The following BEAN1 variants were observed in gnomAD, a reference collection of about 807,000 sequenced individuals.
The protein encoded by BEAN1 is brain expressed associated with NEDD4 1.
Under a neutral mutation model 17.7 loss-of-function variants are expected in BEAN1, and 17 were observed. The ratio of observed to expected loss-of-function variants is 0.96; its 90% CI spans 0.66 to 1.44. The LOEUF (loss-of-function observed/expected upper bound fraction) is 1.44. Ranked by LOEUF, BEAN1 falls within the 40% of genes most tolerant of loss-of-function variation. The pLI, the probability that BEAN1 is intolerant of heterozygous loss-of-function variation, is 0.00. For missense variants in BEAN1, 359 were observed against 374.1 expected, an observed-to-expected ratio of 0.96 and a Z score of 0.33; for synonymous variants, 142 against 151.8, an observed-to-expected ratio of 0.94 and a Z score of 0.47.
chr16:66,483,735 T>C (rs1964044782), downstream of BEAN1: 1 of 152,236 alleles, frequency 6.6e-6, no homozygotes, highest in South Asian at 2.1e-4. Context: ...ATTAATATAG[T>C]CTTAGACCCC....
downstream of BEAN1, chr16:66,484,693 G>T (rs1181256941): frequency 2.2e-6 from 1 of 454,108 alleles, no homozygotes. The surrounding 1 kb of genome is among the most constrained non-coding windows in gnomAD (Gnocchi z 4.2). Flanking sequence ...CAGGAAACAA[G>T]AAAGGCAAGG....
Position 66,473,859 on chromosome 16 carries a change from C to G in BEAN1, c.290-3701C>G, listed in dbSNP as rs1055709131. Among the ~76,000 whole-genome samples the G allele has an allele frequency of 2.6e-5, 4 of 152,138 alleles. No homozygotes were observed. The highest frequency in any genetic ancestry group is 5.9e-5 in the Non-Finnish European group (4 of 68,020). On this transcript the variant is annotated intron_variant, in intron 3 of 4. Coordinates refer to ENST00000536005, the MANE Select transcript of BEAN1 (RefSeq NM_001178020.3). The surrounding 1 kb of genome is among the most constrained non-coding windows in gnomAD (Gnocchi z 4.5). Reference sequence around the variant, plus strand: ...AGCCCTCCTGGCCTCTCTCCCACCCCTCTGGCTGCGGATTCCTCTCCTCTG... The same window carrying G: ...AGCCCTCCTGGCCTCTCTCCCACCCGTCTGGCTGCGGATTCCTCTCCTCTG...
At chr16:66,484,775 GAC>G (rs1964063239), downstream of BEAN1, 1 of 454,044 alleles carries the variant, frequency 2.2e-6, no homozygotes, top group Non-Finnish European at 4.4e-6. The surrounding 1 kb of genome is among the most constrained non-coding windows in gnomAD (Gnocchi z 4.2). Context: ...GTGACTCTGA[GAC>G]ACAGAGTAGA....
chr16:66,454,675 C>A (rs1364633980), intron 2 of BEAN1, among the ~76,000 whole-genome samples: 1 of 147,880 alleles, frequency 6.8e-6, no homozygotes, highest in African/African-American at 2.5e-5. Context: ...CTGACAATCT[C>A]TGCCCTTTAA....
chr16:66,448,894 C>G (rs1004473301), intron 2 of BEAN1, among the ~76,000 whole-genome samples: 3 of 152,218 alleles, frequency 2.0e-5, no homozygotes, highest in Admixed American at 6.5e-5. Context: ...CCTGTAATCC[C>G]AACACTTTGG....
chr16:66,478,643 C>A (rs1597046938), intron 4 of BEAN1, among the ~76,000 whole-genome samples: 1 of 152,128 alleles, frequency 6.6e-6, no homozygotes, highest in East Asian at 1.9e-4. Context: ...ATCTGCCCCA[C>A]AGGATACTCA....
chr16:66,483,023 A>AT (rs1403715773), downstream of BEAN1: 2 of 389,426 alleles, frequency 5.1e-6, no homozygotes, highest in Non-Finnish European at 1.0e-5. Context: ...TACCCAGCTA[A>AT]TTTTTGATTT....
chr16:66,459,065 T>A (rs1466430091), intron 2 of BEAN1, among the ~76,000 whole-genome samples: 2 of 152,240 alleles, frequency 1.3e-5, no homozygotes, highest in Admixed American at 1.3e-4. Flanking sequence ...TGTCATTCTG[T>A]GGCATCAAGT....
intron 2 of BEAN1, among the ~76,000 whole-genome samples, chr16:66,440,706 C>T (rs991412053): frequency 4.6e-5 from 7 of 152,232 alleles, no homozygotes; most frequent in Non-Finnish European, 8.8e-5. Flanking sequence ...TAGCTTCCAA[C>T]AGTCTCTCCC....
intron 2 of BEAN1, among the ~76,000 whole-genome samples, chr16:66,459,352 C>T (rs931902074): frequency 2.0e-5 from 3 of 152,130 alleles, no homozygotes; most frequent in Non-Finnish European, 4.4e-5. Context: ...TGGTGTTTCA[C>T]TCTGTCACCC....
Position 66,434,927 on chromosome 16 carries a change from C to T in BEAN1, c.-82-2668C>T, listed in dbSNP as rs2142374099. 6.6e-6 allele frequency among the ~76,000 whole-genome samples: 1 copy of T among 152,232 alleles called. No individual in the cohort carries two copies. The highest frequency in any genetic ancestry group is 3.4e-3 in the Middle Eastern group (1 of 294). ...CAGAGGCCACACTGACCCTCCATGC[C>T]CTCGAGGAGCTACTGGTCTAGAATA... On this transcript the variant is annotated intron_variant, in intron 1 of 4. Transcript: ENST00000536005. This position sits in a 1 kb window ranked among gnomAD's most constrained non-coding sequence, Gnocchi z 4.3.
chr16:66,452,800 G>A (rs1962722948), intron 2 of BEAN1, among the ~76,000 whole-genome samples: 3 of 152,110 alleles, frequency 2.0e-5, no homozygotes, highest in Non-Finnish European at 2.9e-5. Flanking sequence ...TTACCCCAAT[G>A]CCCAACTGTA....
downstream of BEAN1, chr16:66,493,558 G>A (rs1964207013): frequency 3.5e-6 from 2 of 576,874 alleles, no homozygotes; most frequent in Non-Finnish European, 6.1e-6. Context: ...TGAGAAGCCT[G>A]AAGGGAAACC....
intron 4 of BEAN1, among the ~76,000 whole-genome samples, chr16:66,491,501 T>C (rs1440955722): frequency 2.0e-5 from 3 of 152,166 alleles, no homozygotes; most frequent in Non-Finnish European, 2.9e-5. Flanking sequence ...GTTTAAGAAA[T>C]TGAGGGCTAA....
chr16:66,493,001 C>T (rs962978506), exon 5 of BEAN1: 5 of 702,926 alleles, frequency 7.1e-6, no homozygotes, highest in African/African-American at 3.5e-5. Context: ...GCGATCTATG[C>T]TTTCCAGACA....
chr16:66,478,081 A>G (rs979078156), intron 4 of BEAN1: 6 of 177,732 alleles, frequency 3.4e-5, no homozygotes, highest in African/African-American at 4.7e-5. Flanking sequence ...CCAGAGGAGT[A>G]TCTGGCTATT....
chr16:66,463,559 A>G (rs1207564724), intron 2 of BEAN1, among the ~76,000 whole-genome samples: 1 of 152,224 alleles, frequency 6.6e-6, no homozygotes, highest in African/African-American at 2.4e-5. Context: ...GAGATAAGTG[A>G]TACACAAATA....
chr16:66,449,854 A>G (rs1477230776), intron 2 of BEAN1, among the ~76,000 whole-genome samples: 1 of 152,140 alleles, frequency 6.6e-6, no homozygotes, highest in Non-Finnish European at 1.5e-5. Flanking sequence ...TAGGATGATC[A>G]ATTACACCTG....
intron 3 of BEAN1, among the ~76,000 whole-genome samples, chr16:66,474,647 A>AGGGAGGGG (rs1963657981): frequency 1.5e-5 from 1 of 64,926 alleles, no homozygotes; most frequent in African/African-American, 6.2e-5. Context: ...GGAGGGAGGG[A>AGGGAGGGG]GGGGAAATAG....
Sources: allele counts gnomAD v4.1 joint callset (sites outside exome capture counted in the v4.1 genomes callset), GRCh38; gene constraint gnomAD v4.1.1; non-coding constraint Gnocchi (gnomAD v3.1); transcripts MANE v1.5; gene names NCBI Gene and HGNC (gene_info 2026-07-23, HGNC 2026-07-21).